LRP1B: variants seen among roughly 807,000 people sequenced by gnomAD.
The protein encoded by LRP1B is low-density lipoprotein receptor-related protein 1B.
A neutral mutation model predicts 556.6 loss-of-function variants in LRP1B; 217 were observed. That is an observed-to-expected ratio of 0.39 (90% CI 0.35 to 0.44). The LOEUF is 0.44. Ranked by LOEUF, LRP1B falls within the 20% of genes least tolerant of loss-of-function variation. LRP1B has a pLI of 1.00. For missense variants in LRP1B, 5,053 were observed against 5,620.8 expected (o/e 0.90, Z 3.23); for synonymous variants, 2,047 against 1,865.8 (o/e 1.10, Z -2.50).
intron 25 of LRP1B, among the ~76,000 whole-genome samples, chr2:140,880,456 T>C (rs1693438536): frequency 1.3e-5 from 2 of 152,136 alleles, no homozygotes; most frequent in South Asian, 4.1e-4. Context: ...CATCTTGGAA[T>C]AGTTTGTCAC....
chr2:141,325,374 TA>T (rs1428644049), intron 3 of LRP1B, among the ~76,000 whole-genome samples: 2 of 152,128 alleles, frequency 1.3e-5, no homozygotes, highest in African/African-American at 4.8e-5. Context: ...AAGAGTTAAA[TA>T]TATTTTTAAA....
At chr2:141,421,441 A>G (rs1217488288) in intron 3 of LRP1B, among the ~76,000 whole-genome samples, 1 of 149,674 alleles carries the variant, frequency 6.7e-6, no homozygotes, top group Admixed American at 6.7e-5. Flanking sequence ...AGGCAGGAGA[A>G]TGGCGTGAAC....
chr2:140,775,681 A>G (rs914622299), intron 33 of LRP1B, among the ~76,000 whole-genome samples: 2 of 152,088 alleles, frequency 1.3e-5, no homozygotes, highest in Non-Finnish European at 2.9e-5. Flanking sequence ...AGCAAAAACA[A>G]AAAAGCAAAA....
rs149107019 is a variant in LRP1B, at chr2:141,055,237, G to A, written c.1431C>T (p.Val477=). Residue 477 remains valine (V), a synonymous_variant, in exon 10 of 91, where the codon GTC becomes GTT. Coordinates refer to ENST00000389484, the MANE Select transcript of LRP1B (RefSeq NM_018557.3). The stretch of plus-strand genomic sequence containing the variant: ...AGCCCCCTGGCATTCCATATGGATC[G>A]ACTTCACATGCATGGCTTCTGACTA... ...QPTVRSHACE[V]DPYGMPGGCS... The A allele has an allele frequency of 1.7e-4, 279 of 1,610,046 alleles. 1 individual carries two copies. In the African/African-American group the frequency reaches 2.9e-3, roughly 17 times the overall value.
intron 3 of LRP1B, among the ~76,000 whole-genome samples, chr2:141,408,528 AAG>A (rs1169174448): frequency 1.3e-5 from 2 of 152,128 alleles, no homozygotes; most frequent in Non-Finnish European, 2.9e-5. Context: ...CTACATAAGT[AAG>A]GTCCTTATTT....
chr2:141,522,026 T>C (rs1054032297), intron 2 of LRP1B, among the ~76,000 whole-genome samples: 8 of 152,150 alleles, frequency 5.3e-5, no homozygotes, highest in Admixed American at 5.2e-4. Flanking sequence ...GTTATCTGAC[T>C]ATTAAGTAGG....
intron 2 of LRP1B, among the ~76,000 whole-genome samples, chr2:141,567,875 G>A (rs1446229034): frequency 6.7e-6 from 1 of 149,576 alleles, no homozygotes; most frequent in Non-Finnish European, 1.5e-5. Context: ...CAGTAAAGAA[G>A]GCAGAACTTT....
chr2:140,890,753 A>G (rs1359967028), intron 23 of LRP1B, among the ~76,000 whole-genome samples: 2 of 152,062 alleles, frequency 1.3e-5, no homozygotes, highest in Non-Finnish European at 2.9e-5. Context: ...GAATAGTCCA[A>G]TGTGTTATTT....
Position 140,386,812 on chromosome 2 carries a change from A to G in LRP1B, c.10415-803T>C, listed in dbSNP as rs79796273. 2.7e-3 allele frequency among the ~76,000 whole-genome samples: 418 copies of G among 152,300 alleles called. 4 individuals carry two copies. Among genetic ancestry groups the G allele is most frequent in the African/African-American group, 9.4e-3 (390 of 41,566 alleles). On this transcript the variant is annotated intron_variant, in intron 66 of 90. Coordinates refer to ENST00000389484, the MANE Select transcript of LRP1B (RefSeq NM_018557.3). ...ATCAGCCAGAATCAGAATGCATGTA[A>G]TAAGAATTTATTTAAAATTTAAATC... is the stretch of plus-strand genomic sequence containing the variant.
At chr2:141,958,652 CGTCT>C (rs1001962722) in intron 1 of LRP1B, among the ~76,000 whole-genome samples, 43 of 151,962 alleles carry the variant, frequency 2.8e-4, no homozygotes, top group African/African-American at 9.4e-4. Context: ...TTCTGTTTGT[CGTCT>C]GTAAGGCAAA....
chr2:140,562,604 T>G (rs925629282), intron 43 of LRP1B, among the ~76,000 whole-genome samples: 3 of 152,060 alleles, frequency 2.0e-5, no homozygotes, highest in African/African-American at 7.2e-5. Flanking sequence ...TTTAAATTTC[T>G]TTTCTTTTCT....
rs770441892 is a variant in LRP1B, at chr2:140,516,944, G to A, written c.8094C>T (p.Thr2698=). The A allele has an allele frequency of 1.9e-6, 3 of 1,611,174 alleles. No homozygotes were observed. The highest frequency in any genetic ancestry group is 2.5e-6 in the Non-Finnish European group (3 of 1,177,678). ...SCPSGRCILN[T]WICDGQKDCE... ...AATCTTTCTGACCATCGCATATCCA[G>A]GTATTCAAAATGCATCTTCCACTAG... The change falls in exon 50 of 91, where the codon ACC becomes ACT. Residue 2698 remains threonine, a synonymous_variant. Transcript: ENST00000389484.
In LRP1B at chr2:140,951,852, G is replaced by C. The variant is rs1178052789; in HGVS notation, c.2968+8C>G. 2.5e-6 allele frequency: 4 copies of C among 1,609,494 alleles called. No individual in the cohort carries two copies. Among genetic ancestry groups the C allele is most frequent in the Non-Finnish European group, 3.4e-6 (4 of 1,175,836 alleles). On this transcript the variant is annotated splice_region_variant and intron_variant, in intron 19 of 90. Transcript: ENST00000389484. Reference sequence around the variant, plus strand: ...ATTAGTGCTATACAGTGAGCATTTGGTACTTGCCAGAGTCGCAGTGCCATT... The same window carrying C: ...ATTAGTGCTATACAGTGAGCATTTGCTACTTGCCAGAGTCGCAGTGCCATT...
At chr2:140,926,367 G>T (rs1573887249) in intron 20 of LRP1B, among the ~76,000 whole-genome samples, 1 of 151,746 alleles carries the variant, frequency 6.6e-6, no homozygotes, top group East Asian at 1.9e-4. Flanking sequence ...TTTGAGACAG[G>T]GTCTTGCTCT....
chr2:140,305,667 T>C (rs1302505829), intron 83 of LRP1B, among the ~76,000 whole-genome samples: 1 of 152,146 alleles, frequency 6.6e-6, no homozygotes, highest in African/African-American at 2.4e-5. Flanking sequence ...CTGATTGCCC[T>C]GGCCAGAACT....
chr2:140,320,677 C>A (rs1448699001), intron 82 of LRP1B, among the ~76,000 whole-genome samples: 2 of 151,904 alleles, frequency 1.3e-5, no homozygotes, highest in Non-Finnish European at 2.9e-5. Context: ...GTCCTCTGGT[C>A]TCTGCCTCCT....
chr2:140,246,952 A>G (rs1018880467), intron 87 of LRP1B, 134 bp downstream of exon 87: 3 of 597,808 alleles, frequency 5.0e-6, no homozygotes, highest in Non-Finnish European at 9.0e-6. Flanking sequence ...CTCTTTCAAA[A>G]ACACCTCAAT....
intron 1 of LRP1B, among the ~76,000 whole-genome samples, chr2:141,879,900 A>T (rs1476422607): frequency 6.6e-6 from 1 of 151,968 alleles, no homozygotes; most frequent in Non-Finnish European, 1.5e-5. Context: ...TAGCTTGTTG[A>T]TGCACACTTT....
At chr2:141,991,239 G>A (rs1702334357) in intron 1 of LRP1B, among the ~76,000 whole-genome samples, 1 of 151,904 alleles carries the variant, frequency 6.6e-6, no homozygotes, top group African/African-American at 2.4e-5. Context: ...ACTTTCCTAA[G>A]CAACCATCAT....
Sources: allele counts gnomAD v4.1 joint callset (sites outside exome capture counted in the v4.1 genomes callset), GRCh38; gene constraint gnomAD v4.1.1; transcripts MANE v1.5; gene names NCBI Gene and HGNC (gene_info 2026-07-23, HGNC 2026-07-21).